DAB1: variants seen among roughly 807,000 people sequenced by gnomAD.
DAB1 encodes the protein DAB adaptor protein 1, also known as disabled homolog 1.
In DAB1, 15 loss-of-function variants were observed where a neutral mutation model predicts 64.6. The ratio of observed to expected loss-of-function variants is 0.23; its 90% CI spans 0.16 to 0.36. DAB1 has a LOEUF of 0.36. Among genes scored for constraint, DAB1 ranks in the 10% least tolerant of loss-of-function variants. The pLI is 1.00. For missense variants in DAB1, 596 were observed against 706.7 expected, an observed-to-expected ratio of 0.84 and a Z score of 1.78; for synonymous variants, 235 against 251.9, an observed-to-expected ratio of 0.93 and a Z score of 0.64.
chr1:57,662,398 G>A (rs906164392), intron 6 of DAB1, among the ~76,000 whole-genome samples: 1 of 152,050 alleles, frequency 6.6e-6, no homozygotes, highest in African/African-American at 2.4e-5. Flanking sequence ...GTTTCTCCAT[G>A]TTGGTCAGGC....
At chr1:58,006,104 G>T (rs572390482) in intron 5 of DAB1, among the ~76,000 whole-genome samples, 2 of 152,292 alleles carry the variant, frequency 1.3e-5, no homozygotes, top group Admixed American at 6.5e-5. Context: ...TCCCACGAAG[G>T]CTTGGGGCCA....
At chr1:58,373,562 C>T (rs1032295382) in intron 3 of DAB1, among the ~76,000 whole-genome samples, 7 of 151,286 alleles carry the variant, frequency 4.6e-5, no homozygotes, top group African/African-American at 1.5e-4. Context: ...TTTCTTAATC[C>T]AGTCTATCAT....
At chr1:58,364,842 C>A (rs567541734) in intron 3 of DAB1, among the ~76,000 whole-genome samples, 2 of 152,258 alleles carry the variant, frequency 1.3e-5, no homozygotes, top group South Asian at 4.1e-4. Flanking sequence ...TTCTTGTTAC[C>A]CTTTTCCTCA....
At chr1:57,118,700 G>T (rs1444676386) in intron 4 of DAB1, among the ~76,000 whole-genome samples, 2 of 152,094 alleles carry the variant, frequency 1.3e-5, no homozygotes, top group African/African-American at 4.8e-5. Context: ...ATTTGTAGAT[G>T]GAAATAATGA....
chr1:57,906,243 A>G (rs1189422073), intron 5 of DAB1, among the ~76,000 whole-genome samples: 2 of 152,176 alleles, frequency 1.3e-5, no homozygotes, highest in Non-Finnish European at 2.9e-5. Context: ...GATAACCATA[A>G]TGAACCAATA....
chr1:58,461,571 A>G (rs1162265142), intron 3 of DAB1, among the ~76,000 whole-genome samples: 1 of 152,218 alleles, frequency 6.6e-6, no homozygotes, highest in African/African-American at 2.4e-5. Context: ...ACATTAACCA[A>G]GGACAAAACC....
intron 13 of DAB1, 78 bp from the exon 14 acceptor site, chr1:57,010,868 C>A: frequency 9.1e-7 from 1 of 1,100,552 alleles, no homozygotes; most frequent in Non-Finnish European, 1.3e-6. Context: ...GATATACTTT[C>A]ATGCAGCACA....
intron 5 of DAB1, among the ~76,000 whole-genome samples, chr1:57,931,466 T>G (rs772851547): frequency 6.6e-6 from 1 of 152,242 alleles, no homozygotes; most frequent in African/African-American, 2.4e-5. Context: ...AATTCACCAG[T>G]GAATCCATCT....
At chr1:57,473,684 C>T (rs1241154557) in intron 7 of DAB1, among the ~76,000 whole-genome samples, 1 of 152,144 alleles carries the variant, frequency 6.6e-6, no homozygotes, top group Non-Finnish European at 1.5e-5. Context: ...TTCCTGGCAT[C>T]TAGAGCTGCT....
At chr1:57,947,096 T>C (rs1645195754) in intron 5 of DAB1, among the ~76,000 whole-genome samples, 1 of 152,108 alleles carries the variant, frequency 6.6e-6, no homozygotes, top group Admixed American at 6.5e-5. Flanking sequence ...CAATTCCTCC[T>C]AGTTTTCCAA....
intron 7 of DAB1, among the ~76,000 whole-genome samples, chr1:57,525,782 CAGTT>C (rs1292763086): frequency 1.3e-5 from 2 of 151,654 alleles, no homozygotes; most frequent in Non-Finnish European, 2.9e-5. Context: ...AAGAAAAAAA[CAGTT>C]AAGAGAGTAA....
intron 4 of DAB1, among the ~76,000 whole-genome samples, chr1:58,153,487 C>G (rs763490185): frequency 6.6e-6 from 1 of 152,118 alleles, no homozygotes; most frequent in Non-Finnish European, 1.5e-5. Context: ...CTGCTGTTGG[C>G]CCTGCCACAC....
rs115439224 is a variant in DAB1 at position 58,418,760 on chromosome 1, T to C, written n.258-75357A>G. On this transcript the variant is annotated intron_variant and non_coding_transcript_variant, in intron 3 of 20. Coordinates refer to the DAB1 transcript ENST00000485760. ...AAATGCAAAGTCATGATGGGTGTTATTTGTTTGGAGAGTAGAAAAAAGTTT... is the reference window on the plus strand; with the variant it reads ...AAATGCAAAGTCATGATGGGTGTTACTTGTTTGGAGAGTAGAAAAAAGTTT... Among the ~76,000 whole-genome samples, 1,406 of 152,154 alleles carry C rather than the reference T, an allele frequency of 9.2e-3. 22 individuals carry two copies. The highest frequency in any genetic ancestry group is 0.032 in the African/African-American group (1,336 of 41,480).
At chr1:58,114,186 G>A (rs1171161382) in intron 5 of DAB1, among the ~76,000 whole-genome samples, 4 of 152,098 alleles carry the variant, frequency 2.6e-5, no homozygotes, top group Non-Finnish European at 4.4e-5. Flanking sequence ...TTGAACCTGG[G>A]AGGTGGTGGA....
Position 57,011,238 on chromosome 1 carries a change from G to A in DAB1, c.1479C>T (p.Ser493=). 4 of 1,614,050 alleles carry A rather than the reference G, an allele frequency of 2.5e-6. No homozygotes were observed. The highest frequency in any genetic ancestry group is 3.4e-6 in the Non-Finnish European group (4 of 1,179,912). Residue 493 remains serine, a synonymous_variant, in exon 13 of 15, where the codon TCC becomes TCT. Coordinates refer to ENST00000371236, the MANE Select transcript of DAB1 (RefSeq NM_001365792.1). The part of the protein sequence containing the change: ...PTPAPRQSSP[S]KSSASHASDP... ...CACTGGCATGGGATGCAGATGATTT[G>A]GATGGAGAGCTCTGTCTAGGGGCTG...
intron 4 of DAB1, among the ~76,000 whole-genome samples, chr1:58,296,209 GA>G (rs1239716963): frequency 3.0e-5 from 4 of 132,064 alleles, no homozygotes; most frequent in Non-Finnish European, 4.8e-5. Flanking sequence ...AAGAAAGAAA[GA>G]AAGAAAGAAA....
At chr1:57,974,705 T>G (rs1179175749) in intron 5 of DAB1, among the ~76,000 whole-genome samples, 1 of 152,158 alleles carries the variant, frequency 6.6e-6, no homozygotes, top group African/African-American at 2.4e-5. Context: ...ATGGCCCACA[T>G]GCATATGTCT....
chr1:57,842,399 G>C (rs1653094570), intron 1 of DAB1, among the ~76,000 whole-genome samples: 1 of 152,058 alleles, frequency 6.6e-6, no homozygotes, highest in Non-Finnish European at 1.5e-5. Context: ...CCGTTACCTA[G>C]TTCAAAAGTC....
chr1:57,116,265 C>T (rs1210398161), intron 4 of DAB1, among the ~76,000 whole-genome samples: 2 of 151,560 alleles, frequency 1.3e-5, no homozygotes, highest in Admixed American at 6.6e-5. Context: ...AGTTCGAGAC[C>T]AGCCTGACCA....
Sources: allele counts gnomAD v4.1 joint callset (sites outside exome capture counted in the v4.1 genomes callset), GRCh38; gene constraint gnomAD v4.1.1; transcripts MANE v1.5; gene names NCBI Gene and HGNC (gene_info 2026-07-23, HGNC 2026-07-21).